KCNMB2: variants seen among roughly 807,000 people sequenced by gnomAD.
The protein encoded by KCNMB2 is potassium calcium-activated channel subfamily M regulatory beta subunit 2.
Under a neutral mutation model 24.5 loss-of-function variants are expected in KCNMB2, and 9 were observed. The ratio of observed to expected loss-of-function variants is 0.37; its 90% CI spans 0.22 to 0.64. KCNMB2 has a LOEUF of 0.64. Among genes scored for constraint, KCNMB2 ranks in the 30% least tolerant of loss-of-function variants. The pLI is 0.63. For missense variants in KCNMB2, 226 were observed against 284.3 expected, an observed-to-expected ratio of 0.79 and a Z score of 1.47; for synonymous variants, 109 against 104.4, an observed-to-expected ratio of 1.04 and a Z score of -0.27.
chr3:178,539,256 T>A (rs1223965090), intron 1 of KCNMB2, among the ~76,000 whole-genome samples: 1 of 152,196 alleles, frequency 6.6e-6, no homozygotes, highest in South Asian at 2.1e-4. Context: ...ATATTTCTGC[T>A]ATGATATCAA....
At chr3:178,639,751 A>T (rs2054398) in intron 1 of KCNMB2, among the ~76,000 whole-genome samples, 19,415 of 152,134 alleles carry the variant, frequency 0.13, 1,573 homozygotes, top group East Asian at 0.24. Context: ...AAATTTTTTT[A>T]AAAATGGGAT....
chr3:178,609,346 T>C (rs1263949813), intron 1 of KCNMB2, among the ~76,000 whole-genome samples: 2 of 152,214 alleles, frequency 1.3e-5, no homozygotes, highest in South Asian at 2.1e-4. Context: ...TTAGATTTTT[T>C]CCTATAGAGT....
intron 1 of KCNMB2, among the ~76,000 whole-genome samples, chr3:178,603,336 C>A (rs1011655859): frequency 1.3e-5 from 2 of 151,960 alleles, no homozygotes; most frequent in African/African-American, 4.8e-5. Context: ...TGGACAGAGA[C>A]ACAGGTCAGG....
At chr3:178,804,326 G>A (rs1713882284) in intron 1 of KCNMB2, among the ~76,000 whole-genome samples, 1 of 152,174 alleles carries the variant, frequency 6.6e-6, no homozygotes, top group Non-Finnish European at 1.5e-5. Flanking sequence ...AATTCTAGGT[G>A]TTTCTTTGAA....
At chr3:178,685,517 T>C (rs1440215942) in intron 1 of KCNMB2, among the ~76,000 whole-genome samples, 2 of 152,222 alleles carry the variant, frequency 1.3e-5, no homozygotes, top group East Asian at 3.8e-4. Context: ...AAGGTGGCTA[T>C]TGCTTATTCT....
At chr3:178,551,426 C>T (rs776114195) in intron 1 of KCNMB2, among the ~76,000 whole-genome samples, 4 of 152,322 alleles carry the variant, frequency 2.6e-5, no homozygotes, top group East Asian at 1.9e-4. Flanking sequence ...TTTCCACCAG[C>T]TCTTCTAATG....
At chr3:178,836,632 T>A (rs1441175715) in intron 4 of KCNMB2, among the ~76,000 whole-genome samples, 2 of 152,152 alleles carry the variant, frequency 1.3e-5, no homozygotes, top group Non-Finnish European at 2.9e-5. Flanking sequence ...ATTTATATAG[T>A]CACATGTTAA....
At chr3:178,539,569 C>T (rs1400757358) in intron 1 of KCNMB2, among the ~76,000 whole-genome samples, 1 of 152,122 alleles carries the variant, frequency 6.6e-6, no homozygotes, top group Non-Finnish European at 1.5e-5. Context: ...AAGTCATTTG[C>T]TTGTCTAAGC....
At chr3:178,661,129 C>T (rs888028874) in intron 1 of KCNMB2, among the ~76,000 whole-genome samples, 1 of 151,892 alleles carries the variant, frequency 6.6e-6, no homozygotes. Flanking sequence ...TAATGCTGTC[C>T]CTCCCCTAGC....
Position 178,679,066 on chromosome 3 carries a change from T to A in KCNMB2, c.-67-128277T>A, listed in dbSNP as rs112562748. Among the ~76,000 whole-genome samples, 12 of 151,238 alleles carry A rather than the reference T, an allele frequency of 7.9e-5. 1 individual carries two copies. The South Asian group carries it at 1.5e-3, about 18-fold the overall frequency. On this transcript the variant is annotated intron_variant, in intron 1 of 4. Transcript: ENST00000452583. ...TTTTTTGTTTTGTTTTTGTTTTTTT[T>A]ATTATACTTTAAGTTTTAGGGTACA...
chr3:178,544,944 T>C (rs747949155), intron 1 of KCNMB2, among the ~76,000 whole-genome samples: 5 of 152,192 alleles, frequency 3.3e-5, no homozygotes, highest in Non-Finnish European at 5.9e-5. Flanking sequence ...TTGATTAATA[T>C]ATGCCCTCCT....
At chr3:178,714,948 C>T (rs1469458661) in intron 1 of KCNMB2, among the ~76,000 whole-genome samples, 1 of 152,172 alleles carries the variant, frequency 6.6e-6, no homozygotes, top group South Asian at 2.1e-4. Flanking sequence ...GCTCTTCATT[C>T]CTGAATATGA....
intron 4 of KCNMB2, 60 bp from the exon 5 acceptor site, chr3:178,842,593 C>G: frequency 8.7e-7 from 1 of 1,149,002 alleles, no homozygotes; most frequent in South Asian, 1.4e-5. Context: ...ACTCCACCCC[C>G]TCCTAGAGTC....
chr3:178,766,755 T>A (rs1209457719), intron 1 of KCNMB2, among the ~76,000 whole-genome samples: 1 of 152,208 alleles, frequency 6.6e-6, no homozygotes, highest in Non-Finnish European at 1.5e-5. Flanking sequence ...CAATGTCAAA[T>A]AAAAACATAA....
intron 1 of KCNMB2, among the ~76,000 whole-genome samples, chr3:178,800,243 C>A (rs1713722666): frequency 6.6e-6 from 1 of 151,982 alleles, no homozygotes; most frequent in African/African-American, 2.4e-5. Context: ...AAGAGACAAC[C>A]CACAAAATGG....
At chr3:178,539,740 C>CGTGT (rs985578436) in intron 1 of KCNMB2, among the ~76,000 whole-genome samples, 1 of 151,022 alleles carries the variant, frequency 6.6e-6, no homozygotes, top group Non-Finnish European at 1.5e-5. Flanking sequence ...TGTGTGTGTG[C>CGTGT]GTGTGTGTGT....
chr3:178,778,374 C>T (rs1317026047), intron 1 of KCNMB2, among the ~76,000 whole-genome samples: 1 of 151,886 alleles, frequency 6.6e-6, no homozygotes, highest in Non-Finnish European at 1.5e-5. Flanking sequence ...CTCAAAGCCA[C>T]ATGGTCAATA....
intron 1 of KCNMB2, among the ~76,000 whole-genome samples, chr3:178,568,253 CT>C (rs1381860837): frequency 2.6e-5 from 4 of 152,064 alleles, no homozygotes; most frequent in African/African-American, 9.7e-5. Context: ...TCCCTTTCTC[CT>C]TTTTATCTGA....
chr3:178,714,479 G>T (rs1277833863), intron 1 of KCNMB2, among the ~76,000 whole-genome samples: 1 of 152,200 alleles, frequency 6.6e-6, no homozygotes, highest in Non-Finnish European at 1.5e-5. Flanking sequence ...GGTCTTGGAG[G>T]ACCAGTGGGA....
Sources: allele counts gnomAD v4.1 joint callset (sites outside exome capture counted in the v4.1 genomes callset), GRCh38; gene constraint gnomAD v4.1.1; transcripts MANE v1.5; gene names NCBI Gene and HGNC (gene_info 2026-07-23, HGNC 2026-07-21).